The following KCNMA1 variants were observed in gnomAD, a reference collection of about 807,000 sequenced individuals.
The protein encoded by KCNMA1 is Calcium-activated potassium channel subunit alpha-1.
A neutral mutation model predicts 140.0 loss-of-function variants in KCNMA1; 29 were observed. That is an observed-to-expected ratio of 0.21 (90% CI 0.15 to 0.28). KCNMA1 has a LOEUF of 0.28. Ranked by LOEUF, KCNMA1 falls within the 10% of genes least tolerant of loss-of-function variation. The pLI, the probability that KCNMA1 is intolerant of heterozygous loss-of-function variation, is 1.00. For missense variants in KCNMA1, 880 were observed against 1,602.2 expected (o/e 0.55, Z 7.70); for synonymous variants, 612 against 611.9 (o/e 1.00, Z 0.00).
At chr10:77,211,512 C>G (rs760004556) in intron 3 of KCNMA1, among the ~76,000 whole-genome samples, 5 of 152,012 alleles carry the variant, frequency 3.3e-5, no homozygotes, top group Non-Finnish European at 5.9e-5. Flanking sequence ...TTGAAGAAAA[C>G]CTAGGAAATA....
chr10:77,378,811 T>A (rs2095278730), intron 2 of KCNMA1, among the ~76,000 whole-genome samples: 1 of 152,212 alleles, frequency 6.6e-6, no homozygotes, highest in African/African-American at 2.4e-5. Context: ...CTTACCCAAT[T>A]ATAAACAAAT....
intron 1 of KCNMA1, among the ~76,000 whole-genome samples, chr10:77,572,078 C>T (rs150782072): frequency 2.6e-5 from 4 of 152,286 alleles, no homozygotes; most frequent in African/African-American, 4.8e-5. Context: ...AATATTAGAA[C>T]AGAGCAGAGT....
intron 15 of KCNMA1, among the ~76,000 whole-genome samples, chr10:77,037,144 G>A (rs369405035): frequency 1.3e-5 from 2 of 152,176 alleles, no homozygotes; most frequent in Admixed American, 6.5e-5. Flanking sequence ...AGAGCCACTA[G>A]TGCCAGCTCT....
chr10:77,433,333 A>G (rs1205997372), intron 1 of KCNMA1, among the ~76,000 whole-genome samples: 1 of 152,058 alleles, frequency 6.6e-6, no homozygotes, highest in Non-Finnish European at 1.5e-5. Flanking sequence ...TTGTATTTTT[A>G]GTAGAGACAG....
chr10:77,114,139 G>A (rs916097870), intron 6 of KCNMA1, among the ~76,000 whole-genome samples: 3 of 152,108 alleles, frequency 2.0e-5, no homozygotes, highest in South Asian at 2.1e-4. Flanking sequence ...GTGAGGCCCC[G>A]AGACTGCAGG....
At chr10:77,179,091 G>C (rs897960453) in intron 5 of KCNMA1, among the ~76,000 whole-genome samples, 1 of 152,170 alleles carries the variant, frequency 6.6e-6, no homozygotes, top group Non-Finnish European at 1.5e-5. Flanking sequence ...CCTGGCTTCT[G>C]TTCATTAAGC....
intron 2 of KCNMA1, among the ~76,000 whole-genome samples, chr10:77,381,510 G>A (rs1226055661): frequency 1.3e-5 from 2 of 152,090 alleles, no homozygotes; most frequent in Admixed American, 1.3e-4. Context: ...AGTATAAGGT[G>A]GAACTACAAG....
chr10:76,871,852 G>A (rs1219452161), exon 28 of KCNMA1: 1 of 152,048 alleles, frequency 6.6e-6, no homozygotes. Context: ...ATGTCATTAG[G>A]GCTCACCCTT....
intron 1 of KCNMA1, 38 bp from the exon 2 acceptor site, chr10:77,404,061 C>A (rs1205182763): frequency 4.4e-6 from 7 of 1,607,022 alleles, no homozygotes; most frequent in African/African-American, 1.3e-5. Flanking sequence ...ACATAGGGAA[C>A]AATGGATTTA....
intron 25 of KCNMA1, among the ~76,000 whole-genome samples, chr10:76,895,604 C>A (rs528041697): frequency 3.9e-5 from 6 of 151,950 alleles, no homozygotes; most frequent in Non-Finnish European, 2.9e-5. Flanking sequence ...ATTATTTGGC[C>A]GTAAAAAAGA....
chr10:77,109,744 G>T (rs186885022), intron 8 of KCNMA1, among the ~76,000 whole-genome samples: 101 of 152,280 alleles, frequency 6.6e-4, no homozygotes, highest in African/African-American at 2.4e-3. Context: ...TTGGAAGTTA[G>T]GGGAGGAACA....
At chr10:77,570,006 T>C (rs898284075) in intron 1 of KCNMA1, among the ~76,000 whole-genome samples, 43 of 151,968 alleles carry the variant, frequency 2.8e-4, no homozygotes, top group African/African-American at 1.0e-3. Context: ...TCACTGGCCA[T>C]CAGAGAAATG....
intron 1 of KCNMA1, chr10:77,634,280 T>C (rs1838293361): frequency 2.0e-6 from 2 of 985,300 alleles, no homozygotes; most frequent in Non-Finnish European, 2.4e-6. Context: ...AAGAACACAG[T>C]ACTGGAATGA....
intron 1 of KCNMA1, among the ~76,000 whole-genome samples, chr10:77,512,294 C>A (rs2048689253): frequency 6.6e-6 from 1 of 152,210 alleles, no homozygotes; most frequent in African/African-American, 2.4e-5. Flanking sequence ...CCCCCCTTAT[C>A]CATAGTTTCA....
intron 2 of KCNMA1, among the ~76,000 whole-genome samples, chr10:77,332,590 C>A (rs1566034940): frequency 6.6e-6 from 1 of 152,064 alleles, no homozygotes; most frequent in Non-Finnish European, 1.5e-5. Flanking sequence ...GACAGCCCTG[C>A]CATCTGCTTC....
At chr10:77,629,405 T>C (rs753888937) in intron 1 of KCNMA1, among the ~76,000 whole-genome samples, 1 of 152,206 alleles carries the variant, frequency 6.6e-6, no homozygotes, top group Admixed American at 6.5e-5. Context: ...TCAAGCACCA[T>C]GTTGTCAACA....
intron 3 of KCNMA1, among the ~76,000 whole-genome samples, chr10:77,211,924 A>G (rs527738596): frequency 1.2e-4 from 19 of 152,336 alleles, no homozygotes; most frequent in Admixed American, 9.8e-4. Context: ...TAGAATGGCT[A>G]TTACTAAAAA....
intron 1 of KCNMA1, among the ~76,000 whole-genome samples, chr10:77,524,204 T>C (rs2054673481): frequency 6.6e-6 from 1 of 152,212 alleles, no homozygotes; most frequent in South Asian, 2.1e-4. Flanking sequence ...GGGGTTGTGG[T>C]GCAAAAATTC....
chr10:76,948,544 G>C (rs183507140), intron 22 of KCNMA1, among the ~76,000 whole-genome samples: 447 of 152,162 alleles, frequency 2.9e-3, no homozygotes, highest in African/African-American at 0.01. Context: ...TTTTCAGACT[G>C]AAGTCCTAAT....
Sources: allele counts gnomAD v4.1 joint callset (sites outside exome capture counted in the v4.1 genomes callset), GRCh38; gene constraint gnomAD v4.1.1; transcripts MANE v1.5; gene names NCBI Gene and HGNC (gene_info 2026-07-23, HGNC 2026-07-21).